Variants in SLC14A2 observed in about 807,000 individuals in gnomAD.
SLC14A2 encodes the protein solute carrier family 14 member 2.
In SLC14A2, 91 loss-of-function variants were observed where a neutral mutation model predicts 104.6. That is an observed-to-expected ratio of 0.87 (90% CI 0.73 to 1.04). The LOEUF (loss-of-function observed/expected upper bound fraction) is 1.04. SLC14A2 is among the 50% of genes least tolerant of loss of function. SLC14A2 has a pLI of 0.00. For missense variants in SLC14A2, 1,189 were observed against 1,156.0 expected (o/e 1.03, Z -0.41); for synonymous variants, 476 against 466.4 (o/e 1.02, Z -0.27).
Position 45,264,689 on chromosome 18 carries a change from C to T in SLC14A2, c.-125+51498C>T, listed in dbSNP as rs375993330. Among the ~76,000 whole-genome samples, 3 of 152,162 alleles carry T rather than the reference C, an allele frequency of 2.0e-5. No homozygotes were observed. In the South Asian group the frequency reaches 6.2e-4, roughly 32 times the overall value. ...AGCCCCTTATAAAATCAACAGATCT[C>T]GTGAGACTTATTCACTACACGAGAA... is the stretch of plus-strand genomic sequence containing the variant. On this transcript the variant is annotated intron_variant, in intron 1 of 20. Coordinates refer to the SLC14A2 transcript ENST00000586448.
chr18:45,356,609 A>G (rs2085556734), intron 1 of SLC14A2, among the ~76,000 whole-genome samples: 1 of 152,240 alleles, frequency 6.6e-6, no homozygotes, highest in African/African-American at 2.4e-5. Context: ...AAGGAAATAA[A>G]TAAAATGTAG....
upstream of SLC14A2, among the ~76,000 whole-genome samples, chr18:45,210,697 G>C (rs535657775): frequency 1.3e-5 from 2 of 152,288 alleles, no homozygotes; most frequent in African/African-American, 4.8e-5. Flanking sequence ...GCCTCAGCTT[G>C]CCCTTGGTTT....
At chr18:45,518,429 AG>A (rs1728362738) in intron 2 of SLC14A2, among the ~76,000 whole-genome samples, 1 of 147,036 alleles carries the variant, frequency 6.8e-6, no homozygotes, top group East Asian at 2.0e-4. Context: ...TCATTCATTC[AG>A]CCTATTTACC....
intron 1 of SLC14A2, among the ~76,000 whole-genome samples, chr18:45,358,673 G>C (rs2085579446): frequency 6.6e-6 from 1 of 152,072 alleles, no homozygotes; most frequent in Admixed American, 6.5e-5. Context: ...TACCTCTTAG[G>C]CTCAAGCAAT....
chr18:45,205,745 C>T, the SLC14A2 span, among the ~76,000 whole-genome samples: 1 of 152,264 alleles, frequency 6.6e-6, no homozygotes, highest in East Asian at 1.9e-4. Flanking sequence ...GAGTACAAGG[C>T]CTTACAGAAT....
intron 10 of SLC14A2, among the ~76,000 whole-genome samples, chr18:45,648,226 G>A (rs1463602603): frequency 1.2e-5 from 1 of 84,788 alleles, no homozygotes; most frequent in African/African-American, 5.6e-5. Flanking sequence ...TTTTTTTTGA[G>A]ATGGAGTCTC....
chr18:45,471,159 A>T (rs2087241469), intron 1 of SLC14A2, among the ~76,000 whole-genome samples: 1 of 152,180 alleles, frequency 6.6e-6, no homozygotes, highest in Non-Finnish European at 1.5e-5. Flanking sequence ...AAGCATTTGT[A>T]CTTGAACAAC....
At chr18:45,225,135 T>G (rs1404577814) in intron 1 of SLC14A2, among the ~76,000 whole-genome samples, 1 of 152,218 alleles carries the variant, frequency 6.6e-6, no homozygotes, top group African/African-American at 2.4e-5. Flanking sequence ...GTCTTATGTT[T>G]AAGTCTTTAA....
chr18:45,413,005 A>C (rs2086230781), intron 1 of SLC14A2, among the ~76,000 whole-genome samples: 1 of 152,238 alleles, frequency 6.6e-6, no homozygotes, highest in African/African-American at 2.4e-5. Flanking sequence ...TCTTGAAATC[A>C]GAAACCATCT....
intron 5 of SLC14A2, among the ~76,000 whole-genome samples, chr18:45,632,772 G>C (rs1190745369): frequency 6.6e-6 from 1 of 152,176 alleles, no homozygotes; most frequent in Non-Finnish European, 1.5e-5. Flanking sequence ...CCACCTCCTG[G>C]GTTCACACCA....
chr18:45,513,571 C>G lies in SLC14A2; in HGVS notation c.-35+30249C>G, dbSNP rs561293014. ...CTGTAATCAGAAGTTGACTATGATA[C>G]ATAGAAGTTCGAATGTAGCCCCAAA... On this transcript the variant is annotated intron_variant, in intron 2 of 20. Coordinates refer to the SLC14A2 transcript ENST00000586448. 1.9e-4 allele frequency among the ~76,000 whole-genome samples: 29 copies of G among 152,268 alleles called. No individual in the cohort carries two copies. In the South Asian group the frequency reaches 3.5e-3, roughly 18 times the overall value.
At chr18:45,622,879 T>A (rs1005619201) in intron 1 of SLC14A2, among the ~76,000 whole-genome samples, 1 of 152,218 alleles carries the variant, frequency 6.6e-6, no homozygotes, top group Non-Finnish European at 1.5e-5. Context: ...CACCTAGTGT[T>A]CACCTGAGGA....
chr18:45,631,192 C>G (rs1339442476), intron 4 of SLC14A2, among the ~76,000 whole-genome samples: 1 of 152,226 alleles, frequency 6.6e-6, no homozygotes, highest in Non-Finnish European at 1.5e-5. Context: ...TGAGCACCCT[C>G]CATGCACAGA....
At chr18:45,271,520 G>A (rs2084650455) in intron 1 of SLC14A2, among the ~76,000 whole-genome samples, 1 of 151,962 alleles carries the variant, frequency 6.6e-6, no homozygotes, top group Non-Finnish European at 1.5e-5. Context: ...TACCTACAGT[G>A]AACAATCTGA....
chr18:45,643,201 A>G lies in SLC14A2; in HGVS notation c.1176+20A>G, dbSNP rs1409740651. On this transcript the variant is annotated intron_variant, in intron 9 of 19. Coordinates refer to ENST00000255226, the MANE Select transcript of SLC14A2 (RefSeq NM_007163.4). ...TCAGTGGTAAGTGTGGATTCTCCTG[A>G]ACACTACCCCAAAGTGCTCTTCCCA... 6.2e-7 allele frequency: 1 copy of G among 1,610,306 alleles called. No individual in the cohort carries two copies. Among genetic ancestry groups the G allele is most frequent in the South Asian group, 1.1e-5 (1 of 91,036 alleles).
chr18:45,530,031 A>C (rs915246727), intron 2 of SLC14A2, among the ~76,000 whole-genome samples: 1 of 152,200 alleles, frequency 6.6e-6, no homozygotes, highest in African/African-American at 2.4e-5. Flanking sequence ...TAGGTGTCCC[A>C]TACAAATTTT....
intron 1 of SLC14A2, among the ~76,000 whole-genome samples, chr18:45,221,076 C>T (rs527856711): frequency 3.3e-5 from 5 of 152,266 alleles, no homozygotes; most frequent in African/African-American, 1.2e-4. Context: ...CAGTCACATT[C>T]TGAGATTTTG....
chr18:45,654,145 A>AGG (rs942139600), intron 10 of SLC14A2, among the ~76,000 whole-genome samples: 3 of 150,854 alleles, frequency 2.0e-5, no homozygotes, highest in Admixed American at 6.6e-5. Flanking sequence ...GCTGGGGGGG[A>AGG]CGTGGGTGAG....
At chr18:45,392,210 C>T (rs914477777) in intron 1 of SLC14A2, among the ~76,000 whole-genome samples, 6 of 152,178 alleles carry the variant, frequency 3.9e-5, no homozygotes, top group Non-Finnish European at 8.8e-5. Context: ...CACTGTGGCC[C>T]CCCAGAGAAC....
Sources: allele counts gnomAD v4.1 joint callset (sites outside exome capture counted in the v4.1 genomes callset), GRCh38; gene constraint gnomAD v4.1.1; transcripts MANE v1.5; gene names NCBI Gene and HGNC (gene_info 2026-07-23, HGNC 2026-07-21).